Variants in GRIK4 observed in about 807,000 individuals in gnomAD.
GRIK4 encodes the protein glutamate receptor ionotropic, kainate 4.
In GRIK4, 40 loss-of-function variants were observed where a neutral mutation model predicts 104.9. The ratio of observed to expected loss-of-function variants is 0.38; its 90% confidence interval spans 0.30 to 0.50. The LOEUF (loss-of-function observed/expected upper bound fraction) is 0.50. GRIK4 is among the 20% of genes least tolerant of loss of function. The pLI is 0.93. For missense variants in GRIK4, 1,047 were observed against 1,308.1 expected (o/e 0.80, Z 3.08); for synonymous variants, 485 against 524.9 (o/e 0.92, Z 1.04).
At chr11:120,855,089 C>T (rs532949996) in intron 8 of GRIK4, among the ~76,000 whole-genome samples, 1 of 152,270 alleles carries the variant, frequency 6.6e-6, no homozygotes, top group African/African-American at 2.4e-5. Context: ...TTCTACCTTC[C>T]AGGAGTTCAC....
chr11:120,677,791 G>C (rs2135279493), intron 3 of GRIK4, among the ~76,000 whole-genome samples: 1 of 152,342 alleles, frequency 6.6e-6, no homozygotes, highest in South Asian at 2.1e-4. Flanking sequence ...GCCTAGAGCA[G>C]AGTAAGAGAG....
At chr11:120,569,659 G>A (rs1948372924) in intron 1 of GRIK4, among the ~76,000 whole-genome samples, 5 of 152,196 alleles carry the variant, frequency 3.3e-5, no homozygotes, top group African/African-American at 1.2e-4. Flanking sequence ...GTGACTTTGG[G>A]GAGAAGGGTA....
chr11:120,514,962 C>G (rs1947706991), intron 1 of GRIK4: 1 of 456,524 alleles, frequency 2.2e-6, no homozygotes, highest in Non-Finnish European at 4.4e-6. Context: ...AGCCATCCTG[C>G]CGCTGTGCCT....
intron 9 of GRIK4, chr11:120,868,987 G>A (rs1954517884): frequency 2.0e-5 from 3 of 152,236 alleles, no homozygotes; most frequent in Non-Finnish European, 4.4e-5. Flanking sequence ...AAAACAATTA[G>A]GAGAGGGAGA....
chr11:120,601,831 C>T (rs529084901), intron 1 of GRIK4, among the ~76,000 whole-genome samples: 1 of 152,040 alleles, frequency 6.6e-6, no homozygotes, highest in Non-Finnish European at 1.5e-5. Flanking sequence ...CCTCTGTGTT[C>T]CTGGTCCAGG....
intron 3 of GRIK4, among the ~76,000 whole-genome samples, chr11:120,756,937 G>A (rs369297978): frequency 5.8e-4 from 89 of 152,358 alleles, no homozygotes; most frequent in African/African-American, 2.1e-3. Context: ...CCTCCTGCCT[G>A]AAGAACACAG....
intron 1 of GRIK4, among the ~76,000 whole-genome samples, chr11:120,618,808 G>T (rs1395421784): frequency 6.6e-6 from 1 of 152,248 alleles, no homozygotes; most frequent in African/African-American, 2.4e-5. Flanking sequence ...TGAGGCTTGG[G>T]AACCTCTGTC....
Position 120,961,053 on chromosome 11 carries a change from C to T in GRIK4, c.2019C>T (p.Gly673=), listed in dbSNP as rs1309220572. 1 of 1,614,136 alleles carries T rather than the reference C, an allele frequency of 6.2e-7. No individual in the cohort carries two copies. The highest frequency in any genetic ancestry group is 1.1e-5 in the South Asian group (1 of 91,066). The part of the protein sequence containing the change: ...TAIEYGTIHG[G]SSMTFFQNSR... ...TTGAATATGGCACAATTCACGGAGGCTCCAGCATGACCTTCTTCCAAGTAA... is the reference window on the plus strand; with the variant it reads ...TTGAATATGGCACAATTCACGGAGGTTCCAGCATGACCTTCTTCCAAGTAA... Residue 673 remains glycine, a synonymous_variant, in exon 17 of 21, where the codon GGC becomes GGT. Coordinates refer to ENST00000527524, the MANE Select transcript of GRIK4 (RefSeq NM_014619.5).
At chr11:120,848,969 C>T (rs1953914044) in intron 8 of GRIK4, among the ~76,000 whole-genome samples, 1 of 152,064 alleles carries the variant, frequency 6.6e-6, no homozygotes, top group East Asian at 1.9e-4. Flanking sequence ...GATGTTGAGA[C>T]CCTGGTGGAG....
rs1003336314 is a variant in GRIK4 at position 120,986,569 on chromosome 11, G to C, written c.*309G>C. The C allele has an allele frequency of 1.4e-5, 5 of 344,972 alleles. No homozygotes were observed. Among genetic ancestry groups the C allele is most frequent in the Admixed American group, 5.0e-5 (1 of 19,812 alleles). The allele number at this position is 344,972 out of a possible 1,614,324, so 21.4% of individuals were successfully genotyped here. On this transcript the variant is annotated 3_prime_UTR_variant, in exon 21 of 21. Transcript: ENST00000527524. ...CCAAAATAACAAGAGTATAGGGTGG[G>C]GGGTCCCTACCCAGACCAGTCCAAT... is the stretch of plus-strand genomic sequence containing the variant.
Position 120,695,030 on chromosome 11 carries a change from C to T in GRIK4, c.82+34630C>T, listed in dbSNP as rs986292991. ...AAAAAAGAATCCCGAGCCTCAGCCT[C>T]AGCCAGTCCTGCTGCCTTCTCTCAC... On this transcript the variant is annotated intron_variant, in intron 3 of 20. Coordinates refer to ENST00000527524, the MANE Select transcript of GRIK4 (RefSeq NM_014619.5). Among the ~76,000 whole-genome samples the T allele has an allele frequency of 2.0e-5, 3 of 152,216 alleles. 1 individual carries two copies. The highest frequency in any genetic ancestry group is 2.0e-4 in the Admixed American group (3 of 15,274).
At chr11:120,621,090 C>T (rs1349523197) in intron 1 of GRIK4, among the ~76,000 whole-genome samples, 1 of 152,122 alleles carries the variant, frequency 6.6e-6, no homozygotes, top group Non-Finnish European at 1.5e-5. Context: ...ACTCGTGTAC[C>T]CTGGTCACAG....
intron 3 of GRIK4, among the ~76,000 whole-genome samples, chr11:120,690,754 G>A (rs1950346307): frequency 6.6e-6 from 1 of 152,218 alleles, no homozygotes; most frequent in South Asian, 2.1e-4. Context: ...CTCCTCACCA[G>A]CCAATGTTCC....
At chr11:120,574,430 A>T (rs1415255845) in intron 1 of GRIK4, among the ~76,000 whole-genome samples, 1 of 152,212 alleles carries the variant, frequency 6.6e-6, no homozygotes, top group Non-Finnish European at 1.5e-5. Context: ...CAACAGTCCT[A>T]TGAGACGGGC....
chr11:120,613,454 C>T (rs892566586), intron 1 of GRIK4, among the ~76,000 whole-genome samples: 1 of 152,188 alleles, frequency 6.6e-6, no homozygotes, highest in Non-Finnish European at 1.5e-5. Flanking sequence ...AGCTAATCCC[C>T]TTAATCTGTG....
At position 120,890,178 on chromosome 11, in the gene GRIK4, G is replaced by A. The variant is rs187066918; in HGVS notation, c.1165-8354G>A. On this transcript the variant is annotated intron_variant, in intron 11 of 20. Coordinates refer to ENST00000527524, the MANE Select transcript of GRIK4 (RefSeq NM_014619.5). ...ATTGTGGCTTGTCAAAGGCCATCAC[G>A]TACATTATCTCAGTTGCTTATCAAC... Among the ~76,000 whole-genome samples the A allele has an allele frequency of 3.3e-5, 5 of 152,220 alleles. No individual in the cohort carries two copies. In the East Asian group the frequency reaches 7.7e-4, roughly 24 times the overall value.
rs537809508 is a variant in GRIK4, at chr11:120,710,998, G to GGGC, written c.82+50600_82+50601insCGG. On this transcript the variant is annotated intron_variant, in intron 3 of 20. Transcript: ENST00000527524. ...CCAGCCTCGCTTGCCCCTGTGAGGT[G>GGGC]GGGAGGGGGTGTGAGCAGCTGCAGG... Among the ~76,000 whole-genome samples the GGGC allele has an allele frequency of 6.7e-4, 70 of 105,076 alleles. 6 individuals are homozygous for GGGC. The South Asian group carries it at 0.013, about 20-fold the overall frequency. 68.9% of individuals were successfully genotyped at this position (105,076 alleles called of 152,430 possible).
Position 120,624,583 on chromosome 11 carries a change from G to A in GRIK4, c.-158-29102G>A, listed in dbSNP as rs989047805. On this transcript the variant is annotated intron_variant, in intron 1 of 20. Transcript: ENST00000527524. ...ACCCTGCCCAGAGTCAGCTGGCACCGAGGGAAGAAAGTGGGTGAAGTCCTC... is the reference window on the plus strand; with the variant it reads ...ACCCTGCCCAGAGTCAGCTGGCACCAAGGGAAGAAAGTGGGTGAAGTCCTC... Among the ~76,000 whole-genome samples, 2 of 152,118 alleles carry A rather than the reference G, an allele frequency of 1.3e-5. 1 individual carries two copies. The highest frequency in any genetic ancestry group is 4.8e-5 in the African/African-American group (2 of 41,404).
intron 19 of GRIK4, among the ~76,000 whole-genome samples, chr11:120,973,084 A>T (rs1272729501): frequency 6.6e-6 from 1 of 152,200 alleles, no homozygotes; most frequent in Non-Finnish European, 1.5e-5. Context: ...AAGACACTGG[A>T]TTTAAGTGAA....
Sources: allele counts gnomAD v4.1 joint callset (sites outside exome capture counted in the v4.1 genomes callset), GRCh38; gene constraint gnomAD v4.1.1; transcripts MANE v1.5; gene names NCBI Gene and HGNC (gene_info 2026-07-23, HGNC 2026-07-21).